SVOPL: variants seen among roughly 807,000 people sequenced by gnomAD.
SVOPL encodes the protein putative transporter SVOPL.
SVOPL carries 60 observed loss-of-function variants against 61.0 expected under a neutral mutation model. That is an observed-to-expected ratio of 0.98 (90% CI 0.80 to 1.22). SVOPL has a LOEUF of 1.22. SVOPL is among the 50% of genes most tolerant of loss of function. The pLI, the probability that SVOPL is intolerant of heterozygous loss-of-function variation, is 0.00. For synonymous variants in SVOPL, 279 were observed against 250.0 expected (o/e 1.12, Z -1.09); for missense variants, 662 against 643.9 (o/e 1.03, Z -0.30).
At position 138,630,072 on chromosome 7, in the gene SVOPL, G is replaced by A. The variant is rs747657096; in HGVS notation, c.840C>T (p.Thr280=). The A allele has an allele frequency of 1.2e-6, 2 of 1,613,836 alleles. No individual in the cohort carries two copies. The highest frequency in any genetic ancestry group is 1.1e-5 in the South Asian group (1 of 91,060). ...ACCATATGACCCAGATCTGTAATGT[G>A]GTCCGTAAATATTTAGCATCCAATA... ...ADLLDAKYLR[T]TLQIWVIWLG... is the part of the protein sequence containing the mutation. The change falls in exon 10 of 16, where the codon ACC becomes ACT. Residue 280 remains threonine (T), a synonymous_variant. Coordinates refer to ENST00000674285, the MANE Select transcript of SVOPL (RefSeq NM_001139456.2).
chr7:138,619,134 G>T (rs1397878817), intron 14 of SVOPL, among the ~76,000 whole-genome samples: 1 of 152,146 alleles, frequency 6.6e-6, no homozygotes, highest in Non-Finnish European at 1.5e-5. Flanking sequence ...CTGGCAGGGT[G>T]CAGTGGCTCA....
intron 3 of SVOPL, among the ~76,000 whole-genome samples, chr7:138,674,202 C>T (rs1453535306): frequency 2.2e-5 from 1 of 45,228 alleles, no homozygotes; most frequent in Non-Finnish European, 3.9e-5. Context: ...AAAACACATA[C>T]ACACACACAC....
chr7:138,634,989 C>T (rs1800396623), intron 9 of SVOPL, among the ~76,000 whole-genome samples: 1 of 151,888 alleles, frequency 6.6e-6, no homozygotes, highest in Non-Finnish European at 1.5e-5. Context: ...TTAATATGGG[C>T]CGGGCGCAGT....
At chr7:138,631,985 T>C (rs1673167) in intron 9 of SVOPL, among the ~76,000 whole-genome samples, 27,176 of 132,228 alleles carry the variant, frequency 0.21, 2,760 homozygotes, top group East Asian at 0.36. Context: ...CACACACACA[T>C]ACACACACCC....
At chr7:138,614,143 C>A (rs1799178447) in intron 14 of SVOPL, among the ~76,000 whole-genome samples, 1 of 152,126 alleles carries the variant, frequency 6.6e-6, no homozygotes, top group South Asian at 2.1e-4. Flanking sequence ...GCTCTAACTG[C>A]CAAACTACAT....
At chr7:138,691,651 G>A (rs974949186) in intron 1 of SVOPL, among the ~76,000 whole-genome samples, 2 of 151,796 alleles carry the variant, frequency 1.3e-5, no homozygotes, top group Admixed American at 6.6e-5. Context: ...AGCGATTCTC[G>A]TGCCTCAGCC....
chr7:138,692,207 C>A (rs959324850), intron 1 of SVOPL, among the ~76,000 whole-genome samples: 4 of 152,138 alleles, frequency 2.6e-5, no homozygotes, highest in African/African-American at 9.7e-5. Context: ...ATGAGTTTCA[C>A]GTCAAGTTTT....
At chr7:138,663,027 G>A (rs1355714193) in intron 5 of SVOPL, 47 bp downstream of exon 5, 2 of 1,613,152 alleles carry the variant, frequency 1.2e-6, no homozygotes, top group Non-Finnish European at 8.5e-7. Context: ...GCCCCCAAAA[G>A]AATACACAAA....
chr7:138,663,258 A>G lies in SVOPL; in HGVS notation c.274-113T>C, dbSNP rs960459351. On this transcript the variant is annotated intron_variant, in intron 4 of 15. Coordinates refer to ENST00000674285, the MANE Select transcript of SVOPL (RefSeq NM_001139456.2). The stretch of plus-strand genomic sequence containing the variant: ...GGAAATACGGGAGGGATGGAAGTTA[A>G]TTTAAAGAACAGGGTTTCACGTTGG... 2.8e-5 allele frequency: 42 copies of G among 1,525,258 alleles called. No individual in the cohort carries two copies. In the African/African-American group the frequency reaches 5.2e-4, roughly 19 times the overall value. The allele number at this position is 1,525,258 out of a possible 1,614,324, so 94.5% of individuals were successfully genotyped here.
intron 5 of SVOPL, chr7:138,661,473 G>A (rs755683504): frequency 3.5e-5 from 34 of 980,566 alleles, no homozygotes; most frequent in South Asian, 4.7e-5. Flanking sequence ...AGGAGCATGC[G>A]ACTCCGGTCA....
chr7:138,656,934 C>G (rs1277802099), intron 6 of SVOPL, among the ~76,000 whole-genome samples: 1 of 151,814 alleles, frequency 6.6e-6, no homozygotes, highest in Non-Finnish European at 1.5e-5. Context: ...CCCAGCTACT[C>G]AAGAGCCTGA....
rs1253887536 is a variant in SVOPL at position 138,672,011 on chromosome 7, G to A, written c.273+8C>T. 1 of 1,551,396 alleles carries A rather than the reference G, an allele frequency of 6.4e-7. No individual in the cohort carries two copies. Among genetic ancestry groups the A allele is most frequent in the Non-Finnish European group, 8.7e-7 (1 of 1,146,760 alleles). ...GCTGTGTTCACGGCACAGGGAGCAGGTACTTACCGTGGTTACTAATGCCAC... is the reference window on the plus strand; with the variant it reads ...GCTGTGTTCACGGCACAGGGAGCAGATACTTACCGTGGTTACTAATGCCAC... On this transcript the variant is annotated splice_region_variant and intron_variant, in intron 4 of 15. Transcript: ENST00000674285.
intron 7 of SVOPL, among the ~76,000 whole-genome samples, chr7:138,655,274 C>T (rs551908581): frequency 5.3e-5 from 8 of 152,220 alleles, no homozygotes; most frequent in South Asian, 2.1e-4. Flanking sequence ...GAGGCCGAGG[C>T]GGGTGGATCA....
chr7:138,644,726 C>T lies in SVOPL; in HGVS notation c.780G>A (p.Glu260=), dbSNP rs150566655. Residue 260 remains glutamate, a synonymous_variant, in exon 9 of 16, where the codon GAG becomes GAA. Transcript: ENST00000674285. Reference sequence around the variant, plus strand: ...GGGGGCCAGCACTCACCAGGACGGGCTCCACCAGCTTCCCCTCCGGCATGA... The same window carrying T: ...GGGGGCCAGCACTCACCAGGACGGGTTCCACCAGCTTCCCCTCCGGCATGA... The part of the protein sequence containing the change: ...RSVMPEGKLV[E]PVLEKRGRFA... 1 of 1,614,108 alleles carries T rather than the reference C, an allele frequency of 6.2e-7. No homozygotes were observed. The highest frequency in any genetic ancestry group is 1.3e-5 in the African/African-American group (1 of 75,068).
At chr7:138,697,317 A>T (rs1048314569) in intron 1 of SVOPL, among the ~76,000 whole-genome samples, 11 of 152,200 alleles carry the variant, frequency 7.2e-5, no homozygotes, top group Non-Finnish European at 2.9e-5. Context: ...ACAAGAAAAA[A>T]TTGCCAAAAA....
intron 7 of SVOPL, among the ~76,000 whole-genome samples, chr7:138,649,521 T>G (rs1471020461): frequency 6.6e-6 from 1 of 152,130 alleles, no homozygotes; most frequent in Non-Finnish European, 1.5e-5. Flanking sequence ...GGTCTCGAAC[T>G]CCTGACCTCA....
At chr7:138,643,421 T>TAAAA (rs1405480062) in intron 9 of SVOPL, among the ~76,000 whole-genome samples, 1 of 64,444 alleles carries the variant, frequency 1.6e-5, no homozygotes. Flanking sequence ...AGACTCCATC[T>TAAAA]CAAAAAAAAA....
Position 138,672,065 on chromosome 7 carries a change from C to A in SVOPL, c.227G>T (p.Arg76Leu), listed in dbSNP as rs779169354. The change falls in exon 4 of 16, where the codon CGC becomes CTC. Residue 76 changes from arginine (R) to leucine (L), a missense_variant. Coordinates refer to ENST00000674285, the MANE Select transcript of SVOPL (RefSeq NM_001139456.2). ...MLIAVVSPVI[R>L]CEWQLENWQV... is the part of the protein sequence containing the mutation. Reference sequence around the variant, plus strand: ...CCAATTCTCCAGTTGCCATTCACAGCGGATGACAGGAGACACAACAGCTAT... The same window carrying A: ...CCAATTCTCCAGTTGCCATTCACAGAGGATGACAGGAGACACAACAGCTAT... 1.3e-6 allele frequency: 2 copies of A among 1,551,652 alleles called. No homozygotes were observed. Among genetic ancestry groups the A allele is most frequent in the Admixed American group, 3.9e-5 (2 of 51,004 alleles).
intron 14 of SVOPL, among the ~76,000 whole-genome samples, chr7:138,617,528 T>G (rs953423397): frequency 1.1e-4 from 17 of 152,126 alleles, no homozygotes; most frequent in African/African-American, 3.9e-4. Context: ...ATCAGCTGCA[T>G]CAGATTTGCT....
Sources: gnomAD v4.1 joint callset for allele counts (sites outside exome capture counted in the v4.1 genomes callset) on GRCh38, gnomAD v4.1.1 for gene constraint, MANE v1.5 for transcripts, NCBI Gene and HGNC (gene_info 2026-07-23, HGNC 2026-07-21) for gene names.